ZC3HAV1L: variants seen among roughly 807,000 people sequenced by gnomAD.
ZC3HAV1L encodes zinc finger CCCH-type antiviral protein 1-like.
A neutral mutation model predicts 28.2 loss-of-function variants in ZC3HAV1L; 23 were observed. The observed-to-expected ratio is 0.82, with a 90% confidence interval of 0.59 to 1.16. The LOEUF is 1.16. ZC3HAV1L is among the 50% of genes most tolerant of loss of function. ZC3HAV1L has a pLI of 0.00. For missense variants in ZC3HAV1L, 376 were observed against 387.7 expected, an observed-to-expected ratio of 0.97 and a Z score of 0.25; for synonymous variants, 180 against 163.4, an observed-to-expected ratio of 1.10 and a Z score of -0.78.
At chr7:139,031,668 G>A (rs1331946049) in intron 2 of ZC3HAV1L, among the ~76,000 whole-genome samples, 1 of 152,192 alleles carries the variant, frequency 6.6e-6, no homozygotes, top group African/African-American at 2.4e-5. Context: ...ACTTTGGGAG[G>A]CCAAGGTGGG....
rs768543842 is a variant in ZC3HAV1L at position 139,028,901 on chromosome 7, T to C, written c.561A>G (p.Lys187=). 2 of 1,614,224 alleles carry C rather than the reference T, an allele frequency of 1.2e-6. No individual in the cohort carries two copies. Among genetic ancestry groups the C allele is most frequent in the Admixed American group, 3.3e-5 (2 of 60,022 alleles). Residue 187 remains lysine, a synonymous_variant, in exon 3 of 5, where the codon AAA becomes AAG. Coordinates refer to ENST00000275766, the MANE Select transcript of ZC3HAV1L (RefSeq NM_080660.4). ...ATTTGCACACATGAAACTTGTTGCA[T>C]TTATCCTTGAGGTTGCAGTAGCCAT... ...ALYGYCNLKD[K]CNKFHVCKSF... is the part of the protein sequence containing the mutation.
chr7:139,028,328 G>A (rs1389689206), intron 3 of ZC3HAV1L, among the ~76,000 whole-genome samples: 1 of 140,912 alleles, frequency 7.1e-6, no homozygotes, highest in South Asian at 2.2e-4. Flanking sequence ...AGCCCCGATC[G>A]CGCCACTGCA....
At position 139,032,890 on chromosome 7, in the gene ZC3HAV1L, A is replaced by AT. The variant is rs1057423838; in HGVS notation, c.501+1652dup. Reference sequence around the variant, plus strand: ...CAACTACACTTCAATAAAGACAAAAATTTGATAGAATTCAACTATGAAACT... The same window carrying AT: ...CAACTACACTTCAATAAAGACAAAAATTTTGATAGAATTCAACTATGAAACT... On this transcript the variant is annotated intron_variant, in intron 2 of 4. Coordinates refer to ENST00000275766, the MANE Select transcript of ZC3HAV1L (RefSeq NM_080660.4). Among the ~76,000 whole-genome samples the AT allele has an allele frequency of 2.0e-5, 3 of 152,188 alleles. No individual in the cohort carries two copies. In the East Asian group the frequency reaches 5.8e-4, roughly 30 times the overall value.
In ZC3HAV1L at chr7:139,026,492, C is replaced by T; in HGVS notation, c.*52G>A. The T allele has an allele frequency of 6.2e-7, 1 of 1,610,000 alleles. No individual in the cohort carries two copies. The highest frequency in any genetic ancestry group is 1.3e-5 in the African/African-American group (1 of 75,026). On this transcript the variant is annotated 3_prime_UTR_variant, in exon 5 of 5. Coordinates refer to ENST00000275766, the MANE Select transcript of ZC3HAV1L (RefSeq NM_080660.4). ...AATGTCCCACCCCATCCCCAACCAC[C>T]CATGCCCAAATGTATTCTTCCAAAA...
At chr7:139,029,722 C>T (rs1815468399) in intron 2 of ZC3HAV1L, among the ~76,000 whole-genome samples, 1 of 152,128 alleles carries the variant, frequency 6.6e-6, no homozygotes, top group Admixed American at 6.5e-5. Flanking sequence ...TCCTGAAAAG[C>T]CCGCCCTCAA....
Position 139,026,545 on chromosome 7 carries a change from T to A in ZC3HAV1L, c.902A>T (p.Ter301LeuextTer40), listed in dbSNP as rs111769764. The A allele has an allele frequency of 8.4e-4, 1,351 of 1,614,164 alleles. 9 individuals are homozygous for A. The African/African-American group carries it at 0.016, about 19-fold the overall frequency. ...ACATTTTCTCCTTTTCCATCTTCTTTACTTCTCGCAAGACACTGTGAGGTA... is the reference window on the plus strand; with the variant it reads ...ACATTTTCTCCTTTTCCATCTTCTTAACTTCTCGCAAGACACTGTGAGGTA... Reference protein sequence around the residue: ...KKPCPVSCEK* With the variant: ...KKPCPVSCEKL Residue 301 changes from the stop codon to leucine (L), a stop_lost, in exon 5 of 5, where the codon TAA becomes TTA. Coordinates refer to ENST00000275766, the MANE Select transcript of ZC3HAV1L (RefSeq NM_080660.4).
rs1470486527 is a variant in ZC3HAV1L, at chr7:139,036,021, C to G, written c.-4G>C. 2 of 1,501,842 alleles carry G rather than the reference C, an allele frequency of 1.3e-6. No individual in the cohort carries two copies. The highest frequency in any genetic ancestry group is 2.9e-5 in the African/African-American group (2 of 68,838). The allele number at this position is 1,501,842 out of a possible 1,614,324, so 93.0% of individuals were successfully genotyped here. Reference sequence around the variant, plus strand: ...AGCACACTGTGGGCTCCGCCATGGTCGCTGGCGCGGGCCCTGTGCGCGCGG... The same window carrying G: ...AGCACACTGTGGGCTCCGCCATGGTGGCTGGCGCGGGCCCTGTGCGCGCGG... On this transcript the variant is annotated 5_prime_UTR_variant, in exon 1 of 5. Transcript: ENST00000275766.
chr7:139,026,788 T>G lies in ZC3HAV1L; in HGVS notation c.806A>C (p.Gln269Pro), dbSNP rs1489253883. 1 of 1,614,180 alleles carries G rather than the reference T, an allele frequency of 6.2e-7. No individual in the cohort carries two copies. The highest frequency in any genetic ancestry group is 8.5e-7 in the Non-Finnish European group (1 of 1,180,010). The change falls in exon 4 of 5, where the codon CAA becomes CCA. Residue 269 changes from glutamine (Q) to proline (P), a missense_variant. Coordinates refer to ENST00000275766, the MANE Select transcript of ZC3HAV1L (RefSeq NM_080660.4). ...TGCAGCTCCAGCTGCGTGCACTCCT[T>G]GCTTCTCAAGGCCTTGTGAATGCTC... ...STEHSQGLEK[Q>P]GVHAAGAAEA...
chr7:139,026,882 T>C, intron 3 of ZC3HAV1L, 49 bp from the exon 4 acceptor site: 1 of 1,575,676 alleles, frequency 6.3e-7, no homozygotes, highest in Non-Finnish European at 8.6e-7. Flanking sequence ...CAAGTTTCAT[T>C]TTACGTTGGG....
In ZC3HAV1L at chr7:139,035,245, G is replaced by C. The variant is rs927288213; in HGVS notation, c.365+408C>G. The C allele has an allele frequency of 3.3e-5, 33 of 985,400 alleles. No individual in the cohort carries two copies. In the East Asian group the frequency reaches 3.4e-3, roughly 102 times the overall value. The allele number at this position is 985,400 out of a possible 1,614,324, so 61.0% of individuals were successfully genotyped here. A position where few individuals can be genotyped will look rare whatever the true frequency, so the allele number is the denominator to read the frequency against. Reference sequence around the variant, plus strand: ...CGCTTCTGCACAAGTGTGTGGATATGGGGGAGCAGCGATTTCCGGCTAAAG... The same window carrying C: ...CGCTTCTGCACAAGTGTGTGGATATCGGGGAGCAGCGATTTCCGGCTAAAG... On this transcript the variant is annotated intron_variant, in intron 1 of 4. Transcript: ENST00000275766.
intron 2 of ZC3HAV1L, 114 bp downstream of exon 2, chr7:139,034,429 C>T (rs1443838688): frequency 1.6e-4 from 227 of 1,460,744 alleles, no homozygotes; most frequent in Non-Finnish European, 2.0e-4. Flanking sequence ...GCATTTGAAA[C>T]TGAATCATGT....
chr7:139,029,008 T>C, intron 2 of ZC3HAV1L, 48 bp from the exon 3 acceptor site: 1 of 1,568,490 alleles, frequency 6.4e-7, no homozygotes, highest in Non-Finnish European at 8.6e-7. Flanking sequence ...TTTCTTTTTT[T>C]TTTGGCAGCG....
chr7:139,023,830 G>GT (rs1815294577), downstream of ZC3HAV1L, among the ~76,000 whole-genome samples: 2 of 152,164 alleles, frequency 1.3e-5, no homozygotes, highest in African/African-American at 4.8e-5. Flanking sequence ...GATGATGAGG[G>GT]TTTGAAACAA....
chr7:139,029,018 G>A (rs530484077), intron 2 of ZC3HAV1L, 58 bp from the exon 3 acceptor site: 11 of 1,542,046 alleles, frequency 7.1e-6, no homozygotes, highest in East Asian at 4.6e-5. Context: ...TTTTGGCAGC[G>A]GGGAGATGGA....
chr7:139,024,775 T>C (rs1026667834), downstream of ZC3HAV1L, among the ~76,000 whole-genome samples: 17 of 152,242 alleles, frequency 1.1e-4, no homozygotes, highest in African/African-American at 4.1e-4. Context: ...TGAAAACTTA[T>C]TACATTGTCT....
At chr7:139,035,069 A>T in intron 1 of ZC3HAV1L, 2 of 985,374 alleles carry the variant, frequency 2.0e-6, no homozygotes, top group Non-Finnish European at 2.4e-6. Flanking sequence ...ACCAAGGAAA[A>T]TTCGGGGCTG....
At chr7:139,025,329 C>T (rs140976601), downstream of ZC3HAV1L, among the ~76,000 whole-genome samples, 585 of 151,982 alleles carry the variant, frequency 3.8e-3, 4 homozygotes, top group African/African-American at 0.013. Context: ...ATGCCTGTAA[C>T]CTCAGCTACT....
intron 2 of ZC3HAV1L, chr7:139,034,037 T>C (rs1452965684): frequency 2.0e-6 from 2 of 985,344 alleles, no homozygotes; most frequent in African/African-American, 1.7e-5. Context: ...AGGACTGCCT[T>C]CTGGGTACAG....
At chr7:139,032,548 C>G (rs553986124) in intron 2 of ZC3HAV1L, among the ~76,000 whole-genome samples, 1 of 109,418 alleles carries the variant, frequency 9.1e-6, no homozygotes, top group African/African-American at 3.4e-5. Context: ...GGCATGAACC[C>G]GGGAGCAGAG....
Sources: gnomAD v4.1 joint callset for allele counts (sites outside exome capture counted in the v4.1 genomes callset) on GRCh38, gnomAD v4.1.1 for gene constraint, MANE v1.5 for transcripts, NCBI Gene and HGNC (gene_info 2026-07-23, HGNC 2026-07-21) for gene names.